Variants in DAPK1 observed in about 807,000 individuals in gnomAD.
DAPK1 encodes death-associated protein kinase 1.
In DAPK1, 56 loss-of-function variants were observed where a neutral mutation model predicts 144.9. That is an observed-to-expected ratio of 0.39 (90% confidence interval 0.31 to 0.48). The LOEUF (loss-of-function observed/expected upper bound fraction) is 0.48, where lower values mean the gene tolerates loss of function less well. Ranked by LOEUF, DAPK1 falls within the 20% of genes least tolerant of loss-of-function variation. The probability of loss-of-function intolerance (pLI) is 0.95; values close to 1 mark genes in which losing one functional copy is unlikely to be tolerated. For synonymous variants in DAPK1, 690 were observed against 749.0 expected, an observed-to-expected ratio of 0.92 and a Z score of 1.29; for missense variants, 1,454 against 1,875.4, an observed-to-expected ratio of 0.78 and a Z score of 4.15.
intron 11 of DAPK1, among the ~76,000 whole-genome samples, chr9:87,644,455 C>A (rs1303365239): frequency 6.6e-6 from 1 of 151,940 alleles, no homozygotes; most frequent in Non-Finnish European, 1.5e-5. Context: ...CTGCAAACAC[C>A]AAGCTCCCCT....
At chr9:87,639,279 A>C in intron 4 of DAPK1, 75 bp from the exon 5 acceptor site, 3 of 1,190,730 alleles carry the variant, frequency 2.5e-6, no homozygotes, top group South Asian at 2.1e-5. Context: ...TTTTTTGGAG[A>C]GAAGAACTAT....
chr9:87,501,374 T>C (rs999162436), intron 2 of DAPK1, among the ~76,000 whole-genome samples: 1 of 152,244 alleles, frequency 6.6e-6, no homozygotes, highest in South Asian at 2.1e-4. Flanking sequence ...CAAAAAAAAT[T>C]ATCTAAGATT....
chr9:87,616,192 T>C (rs1355615789), intron 3 of DAPK1, among the ~76,000 whole-genome samples: 3 of 152,212 alleles, frequency 2.0e-5, no homozygotes. Context: ...GGGCAGAAGA[T>C]GTTCTAGTTT....
chr9:87,535,519 C>T (rs1332840882), intron 2 of DAPK1, among the ~76,000 whole-genome samples: 3 of 152,126 alleles, frequency 2.0e-5, no homozygotes, highest in Non-Finnish European at 2.9e-5. Flanking sequence ...TGAAGGTCTC[C>T]TTTGATATCA....
chr9:87,543,715 A>G (rs1826135130), intron 2 of DAPK1, among the ~76,000 whole-genome samples: 1 of 152,214 alleles, frequency 6.6e-6, no homozygotes, highest in Non-Finnish European at 1.5e-5. Context: ...CATTAAATGC[A>G]TTATCTTTGC....
chr9:87,666,614 C>T (rs1327558334), intron 18 of DAPK1, among the ~76,000 whole-genome samples: 2 of 151,842 alleles, frequency 1.3e-5, no homozygotes, highest in Non-Finnish European at 2.9e-5. Context: ...TCTGGAATTA[C>T]AGGCATGCAC....
At chr9:87,684,033 A>G (rs1461947912) in intron 20 of DAPK1, among the ~76,000 whole-genome samples, 1 of 152,336 alleles carries the variant, frequency 6.6e-6, no homozygotes, top group Non-Finnish European at 1.5e-5. Context: ...GATGAGACAG[A>G]CAAGATGCCC....
At chr9:87,690,981 T>A (rs115309905) in intron 21 of DAPK1, among the ~76,000 whole-genome samples, 203 of 152,042 alleles carry the variant, frequency 1.3e-3, no homozygotes, top group African/African-American at 4.6e-3. Context: ...GATGATGATG[T>A]TGTTGTTGTT....
chr9:87,701,951 T>C, intron 24 of DAPK1: 1 of 457,438 alleles, frequency 2.2e-6, no homozygotes, highest in Non-Finnish European at 4.5e-6. Flanking sequence ...CCAGGGGCGG[T>C]GATCTGGGAA....
intron 2 of DAPK1, among the ~76,000 whole-genome samples, chr9:87,598,552 G>A (rs1828399745): frequency 6.6e-6 from 1 of 152,110 alleles, no homozygotes; most frequent in African/African-American, 2.4e-5. Flanking sequence ...ATCAGGGCCA[G>A]CAATGAAAAG....
chr9:87,538,418 A>G (rs1825931628), intron 2 of DAPK1, among the ~76,000 whole-genome samples: 1 of 150,596 alleles, frequency 6.6e-6, no homozygotes, highest in Admixed American at 6.6e-5. Context: ...GTAGATGTCT[A>G]TTTTGGTTTA....
intron 2 of DAPK1, among the ~76,000 whole-genome samples, chr9:87,597,853 T>C (rs1349914022): frequency 1.3e-5 from 2 of 152,156 alleles, no homozygotes; most frequent in East Asian, 3.9e-4. Context: ...TCGGAAACCC[T>C]GTCCCTAAAC....
chr9:87,564,486 G>A (rs1441382651), intron 2 of DAPK1, among the ~76,000 whole-genome samples: 1 of 151,920 alleles, frequency 6.6e-6, no homozygotes, highest in Admixed American at 6.6e-5. Flanking sequence ...TTTGCATATG[G>A]TGCTGGAGGC....
chr9:87,686,481 G>A lies in DAPK1; in HGVS notation c.2225-70G>A. 1.1e-6 allele frequency: 1 copy of A among 881,728 alleles called. No homozygotes were observed. The highest frequency in any genetic ancestry group is 1.8e-6 in the Non-Finnish European group (1 of 551,276). The allele number at this position is 881,728 out of a possible 1,614,324, so 54.6% of individuals were successfully genotyped here. ...GTGCTCCAGAAAAGGAAACCTCAGG[G>A]CCAGCCTGGGAGGGAGACAGGCACA... On this transcript the variant is annotated intron_variant, in intron 20 of 25. Coordinates refer to ENST00000408954, the MANE Select transcript of DAPK1 (RefSeq NM_004938.4). The surrounding 1 kb of genome is among the most constrained non-coding windows in gnomAD (Gnocchi z 4.2).
intron 2 of DAPK1, among the ~76,000 whole-genome samples, chr9:87,598,887 C>A (rs542064703): frequency 1.5e-4 from 23 of 152,306 alleles, no homozygotes; most frequent in African/African-American, 5.5e-4. Flanking sequence ...TAGAATGCTT[C>A]CTGAATTCAC....
rs968731346 is a variant in DAPK1 at position 87,663,922 on chromosome 9, AC to A, written c.1924-4674del. Reference sequence around the variant, plus strand: ...CCTATTTGCATCTAGCCGGCAGCCTACTAAGTCTCCTCCCACTTCTCCATGA... The same window carrying A: ...CCTATTTGCATCTAGCCGGCAGCCTATAAGTCTCCTCCCACTTCTCCATGA... On this transcript the variant is annotated intron_variant, in intron 18 of 25. Coordinates refer to ENST00000408954, the MANE Select transcript of DAPK1 (RefSeq NM_004938.4). 9.9e-5 allele frequency among the ~76,000 whole-genome samples: 15 copies of A among 151,876 alleles called. No homozygotes were observed. The South Asian group carries it at 1.0e-3, about 11-fold the overall frequency.
At chr9:87,648,137 C>T (rs36213349) in intron 14 of DAPK1, among the ~76,000 whole-genome samples, 2,931 of 152,316 alleles carry the variant, frequency 0.019, 100 homozygotes, top group African/African-American at 0.065. Flanking sequence ...ATCAGAGACA[C>T]GCATTTATTA....
At chr9:87,679,215 G>A (rs1039462840) in intron 19 of DAPK1, among the ~76,000 whole-genome samples, 4 of 152,106 alleles carry the variant, frequency 2.6e-5, no homozygotes, top group Non-Finnish European at 4.4e-5. Flanking sequence ...TGGTCTAGAA[G>A]GGAGAGCACC....
intron 3 of DAPK1, among the ~76,000 whole-genome samples, chr9:87,605,769 C>T (rs1299433520): frequency 2.0e-5 from 3 of 152,182 alleles, no homozygotes; most frequent in South Asian, 2.1e-4. Flanking sequence ...AAACTGATTG[C>T]GGCAGGTTAT....
Sources: gnomAD v4.1 joint callset for allele counts (sites outside exome capture counted in the v4.1 genomes callset) on GRCh38, gnomAD v4.1.1 for gene constraint, Gnocchi (gnomAD v3.1) non-coding constraint, MANE v1.5 for transcripts, NCBI Gene and HGNC (gene_info 2026-07-23, HGNC 2026-07-21) for gene names.